Variants in SETD3 observed in about 807,000 individuals in gnomAD.
SETD3 encodes SET domain containing 3, actin N3(tau)-histidine methyltransferase, also known as actin-histidine N-methyltransferase.
In SETD3, 19 loss-of-function variants were observed where a neutral mutation model predicts 63.0. The observed-to-expected ratio is 0.30, with a 90% CI of 0.21 to 0.44. The LOEUF is 0.44. Among genes scored for constraint, SETD3 ranks in the 20% least tolerant of loss-of-function variants. SETD3 has a pLI of 1.00. For synonymous variants in SETD3, 286 were observed against 264.1 expected (o/e 1.08, Z -0.80); for missense variants, 587 against 728.5 (o/e 0.81, Z 2.24).
chr14:99,452,341 G>A (rs1894509825), intron 6 of SETD3, among the ~76,000 whole-genome samples: 1 of 152,188 alleles, frequency 6.6e-6, no homozygotes, highest in South Asian at 2.1e-4. Flanking sequence ...TCTTGACCTC[G>A]TGATCTGCCT....
intron 6 of SETD3, among the ~76,000 whole-genome samples, chr14:99,435,454 T>C (rs567615523): frequency 9.9e-5 from 15 of 152,268 alleles, no homozygotes; most frequent in Admixed American, 5.9e-4. Context: ...CAACTAGGGA[T>C]TCAACAGAAC....
intron 11 of SETD3, among the ~76,000 whole-genome samples, chr14:99,402,045 C>T (rs1238267212): frequency 6.6e-6 from 1 of 152,200 alleles, no homozygotes; most frequent in Non-Finnish European, 1.5e-5. Flanking sequence ...TATCCCTGCA[C>T]CTCATTCTGG....
chr14:99,460,011 T>C (rs1393080911), intron 4 of SETD3, among the ~76,000 whole-genome samples: 1 of 152,210 alleles, frequency 6.6e-6, no homozygotes, highest in Non-Finnish European at 1.5e-5. Context: ...AGCTCGGATC[T>C]TCTGGGCAGC....
rs143247494 is a variant in SETD3 at position 99,440,466 on chromosome 14, G to C, written c.675+17813C>G. 4.2e-3 allele frequency among the ~76,000 whole-genome samples: 633 copies of C among 152,280 alleles called. 5 individuals are homozygous for C. The highest frequency in any genetic ancestry group is 6.9e-3 in the Non-Finnish European group (467 of 68,020). The stretch of plus-strand genomic sequence containing the variant: ...AGTAATTTCCAGTAGAGCCAGTAGG[G>C]GACAGGGTCAGGAGCAATACACACA... On this transcript the variant is annotated intron_variant, in intron 6 of 12. Coordinates refer to ENST00000331768, the MANE Select transcript of SETD3 (RefSeq NM_032233.3).
intron 1 of SETD3, chr14:99,478,625 C>T (rs894151687): frequency 1.3e-5 from 2 of 152,176 alleles, no homozygotes; most frequent in Admixed American, 1.3e-4. Flanking sequence ...GATTTTTGCT[C>T]ATATTTTTAC....
intron 6 of SETD3, among the ~76,000 whole-genome samples, chr14:99,419,371 A>C (rs1311086550): frequency 6.6e-6 from 1 of 152,248 alleles, no homozygotes; most frequent in Non-Finnish European, 1.5e-5. Context: ...AATTTATAAA[A>C]TTATGATGGA....
chr14:99,420,476 G>T (rs1007332612), intron 6 of SETD3, among the ~76,000 whole-genome samples: 1 of 152,058 alleles, frequency 6.6e-6, no homozygotes, highest in Non-Finnish European at 1.5e-5. Context: ...GACTCCAAAG[G>T]TGCTGCTGAG....
At chr14:99,435,226 G>A (rs1395220734) in intron 6 of SETD3, among the ~76,000 whole-genome samples, 1 of 105,776 alleles carries the variant, frequency 9.5e-6, no homozygotes, top group African/African-American at 4.2e-5. Context: ...TTTGGAAGCT[G>A]TCATTGTCTT....
At chr14:99,436,053 T>C (rs1744293928) in intron 6 of SETD3, among the ~76,000 whole-genome samples, 5 of 151,956 alleles carry the variant, frequency 3.3e-5, no homozygotes, top group African/African-American at 1.2e-4. Context: ...CAGGAAGAAG[T>C]GCCAAACAAA....
intron 6 of SETD3, among the ~76,000 whole-genome samples, chr14:99,457,785 T>C (rs1376432391): frequency 6.6e-6 from 1 of 152,266 alleles, no homozygotes; most frequent in Non-Finnish European, 1.5e-5. Flanking sequence ...CTTGGAGCCT[T>C]ATAGAGATTT....
At chr14:99,481,592 C>T, upstream of SETD3, 1 of 396,630 alleles carries the variant, frequency 2.5e-6, no homozygotes, top group Non-Finnish European at 4.4e-6. Flanking sequence ...TTTCCGGATT[C>T]TGCCTCCCTC....
chr14:99,461,555 G>T (rs187702916), intron 3 of SETD3, among the ~76,000 whole-genome samples: 1 of 152,178 alleles, frequency 6.6e-6, no homozygotes, highest in Non-Finnish European at 1.5e-5. Flanking sequence ...GTCAGTTACA[G>T]TGAAATATAT....
At chr14:99,467,759 T>A (rs1895469759) in intron 1 of SETD3, among the ~76,000 whole-genome samples, 2 of 152,110 alleles carry the variant, frequency 1.3e-5, no homozygotes, top group Non-Finnish European at 2.9e-5. Context: ...TCCCTTCTCT[T>A]AACAGTAAGT....
At chr14:99,446,288 T>C (rs567979963) in intron 6 of SETD3, among the ~76,000 whole-genome samples, 7 of 152,332 alleles carry the variant, frequency 4.6e-5, no homozygotes, top group Admixed American at 2.0e-4. Flanking sequence ...TTCTGGCCTC[T>C]ATTCTGACTT....
intron 6 of SETD3, among the ~76,000 whole-genome samples, chr14:99,430,320 T>G (rs1312247874): frequency 6.6e-6 from 1 of 152,226 alleles, no homozygotes; most frequent in Non-Finnish European, 1.5e-5. Flanking sequence ...TCTGCCCACT[T>G]GAGGTTCTGG....
At chr14:99,475,754 T>C (rs958569936) in intron 1 of SETD3, among the ~76,000 whole-genome samples, 1 of 152,194 alleles carries the variant, frequency 6.6e-6, no homozygotes, top group Non-Finnish European at 1.5e-5. Flanking sequence ...TGACTAATAT[T>C]CCTAAGACTG....
At chr14:99,420,858 A>AG (rs1336982197) in intron 6 of SETD3, among the ~76,000 whole-genome samples, 1 of 140,328 alleles carries the variant, frequency 7.1e-6, no homozygotes, top group Non-Finnish European at 1.5e-5. Flanking sequence ...CCCTTCGAAG[A>AG]GGTGAGGCTG....
chr14:99,404,604 A>T (rs1337988038), intron 10 of SETD3, among the ~76,000 whole-genome samples: 7 of 146,582 alleles, frequency 4.8e-5, no homozygotes. Flanking sequence ...AATTAAACAT[A>T]CACATGGTTT....
chr14:99,421,646 G>T (rs1892602316), intron 6 of SETD3, among the ~76,000 whole-genome samples: 1 of 152,098 alleles, frequency 6.6e-6, no homozygotes, highest in African/African-American at 2.4e-5. Context: ...ATCATTTGCT[G>T]AGCGCTCTGT....
Sources: allele counts gnomAD v4.1 joint callset (sites outside exome capture counted in the v4.1 genomes callset), GRCh38; gene constraint gnomAD v4.1.1; transcripts MANE v1.5; gene names NCBI Gene and HGNC (gene_info 2026-07-23, HGNC 2026-07-21).